PIK3C3: variants seen among roughly 807,000 people sequenced by gnomAD.
PIK3C3 encodes PI3-kinase type 3.
A neutral mutation model predicts 126.1 loss-of-function variants in PIK3C3; 95 were observed. That is an observed-to-expected ratio of 0.75 (90% CI 0.64 to 0.89). The LOEUF (loss-of-function observed/expected upper bound fraction) is 0.89. PIK3C3 is among the 40% of genes least tolerant of loss of function. PIK3C3 has a pLI of 0.00. For synonymous variants in PIK3C3, 374 were observed against 360.0 expected (o/e 1.04, Z -0.44); for missense variants, 829 against 1,063.2 (o/e 0.78, Z 3.06).
chr18:41,955,420 G>T (rs1352056665), intron 1 of PIK3C3, 61 bp downstream of exon 1: 1 of 1,427,224 alleles, frequency 7.0e-7, no homozygotes, highest in Non-Finnish European at 9.8e-7. Flanking sequence ...GGGGGCAGGG[G>T]CCTGTTGGGA....
At chr18:42,039,285 C>T (rs1984198555) in intron 18 of PIK3C3, among the ~76,000 whole-genome samples, 1 of 152,160 alleles carries the variant, frequency 6.6e-6, no homozygotes, top group African/African-American at 2.4e-5. Context: ...AAACAAAATA[C>T]ATGCTTTAGG....
chr18:41,997,056 G>T (rs775059150), intron 9 of PIK3C3, among the ~76,000 whole-genome samples: 1 of 152,084 alleles, frequency 6.6e-6, no homozygotes, highest in Non-Finnish European at 1.5e-5. Flanking sequence ...TTCTAATGGC[G>T]ACAGTTCTCC....
intron 1 of PIK3C3, among the ~76,000 whole-genome samples, chr18:41,957,095 A>G (rs1979816277): frequency 1.3e-5 from 2 of 152,232 alleles, no homozygotes. Flanking sequence ...TTTCCCCAGA[A>G]GCAATGACTT....
chr18:42,046,806 T>G (rs1181600603), intron 20 of PIK3C3, among the ~76,000 whole-genome samples: 1 of 152,178 alleles, frequency 6.6e-6, no homozygotes, highest in Non-Finnish European at 1.5e-5. Flanking sequence ...GTATTGACAC[T>G]TTAAACTATT....
intron 24 of PIK3C3, among the ~76,000 whole-genome samples, chr18:42,071,556 C>A (rs1025944245): frequency 2.6e-5 from 4 of 151,888 alleles, no homozygotes; most frequent in Non-Finnish European, 5.9e-5. Context: ...CCTGTCTCTA[C>A]TAAAAATACA....
chr18:41,964,274 C>G lies in PIK3C3; in HGVS notation c.401+1642C>G, dbSNP rs560918677. On this transcript the variant is annotated intron_variant, in intron 3 of 24. Coordinates refer to ENST00000262039, the MANE Select transcript of PIK3C3 (RefSeq NM_002647.4). ...TAGCATCCTTATATACTCAATTCAT[C>G]ATGTGTTGAAGTCTAAGAGAGGCAT... 5.3e-5 allele frequency among the ~76,000 whole-genome samples: 8 copies of G among 152,196 alleles called. No homozygotes were observed. In the South Asian group the frequency reaches 1.7e-3, roughly 32 times the overall value.
chr18:42,051,048 T>G (rs549291788), intron 21 of PIK3C3: 2 of 152,362 alleles, frequency 1.3e-5, no homozygotes, highest in African/African-American at 4.8e-5. Context: ...GAAGTTACCT[T>G]TTTTGTTTAA....
At chr18:42,066,808 T>G (rs1985560680) in intron 23 of PIK3C3, among the ~76,000 whole-genome samples, 1 of 152,136 alleles carries the variant, frequency 6.6e-6, no homozygotes, top group Non-Finnish European at 1.5e-5. Flanking sequence ...ATTTTATCTT[T>G]GGAAACGATA....
chr18:42,079,871 C>A (rs1007306436), intron 24 of PIK3C3, among the ~76,000 whole-genome samples: 1 of 152,070 alleles, frequency 6.6e-6, no homozygotes, highest in Non-Finnish European at 1.5e-5. Context: ...TCTGTTGATT[C>A]ACCGCCGCTA....
chr18:42,057,591 G>T, intron 21 of PIK3C3: 2 of 271,648 alleles, frequency 7.4e-6, no homozygotes, highest in Non-Finnish European at 1.4e-5. Context: ...CCCAGGCTCT[G>T]ACCGTCTTTG....
At chr18:41,973,262 A>G (rs551117074) in intron 4 of PIK3C3, among the ~76,000 whole-genome samples, 2 of 152,212 alleles carry the variant, frequency 1.3e-5, no homozygotes, top group South Asian at 4.1e-4. Context: ...GGGCTTGCCT[A>G]ATGTGAATAA....
intron 21 of PIK3C3, among the ~76,000 whole-genome samples, chr18:42,054,518 A>C (rs1984973732): frequency 6.6e-6 from 1 of 152,076 alleles, no homozygotes; most frequent in Non-Finnish European, 1.5e-5. Context: ...AGACACACCC[A>C]GGATCAATAC....
chr18:42,034,420 TTA>T (rs1205658364), intron 16 of PIK3C3, among the ~76,000 whole-genome samples: 1 of 152,212 alleles, frequency 6.6e-6, no homozygotes, highest in East Asian at 1.9e-4. Flanking sequence ...GTAAATTTTT[TTA>T]GAGGGCAGAT....
At chr18:42,039,445 A>G (rs1002642790) in intron 18 of PIK3C3, among the ~76,000 whole-genome samples, 1 of 152,306 alleles carries the variant, frequency 6.6e-6, no homozygotes, top group Non-Finnish European at 1.5e-5. Context: ...TTCTCTTTGG[A>G]CAAAGACCCA....
intron 18 of PIK3C3, among the ~76,000 whole-genome samples, chr18:42,039,572 T>A (rs1236722478): frequency 1.3e-5 from 2 of 152,244 alleles, no homozygotes; most frequent in Non-Finnish European, 2.9e-5. Flanking sequence ...CCATACTGGC[T>A]ACCTTCTGTT....
At chr18:42,067,347 T>C (rs1985583863) in intron 23 of PIK3C3, 41 bp from the exon 24 acceptor site, 1 of 1,602,010 alleles carries the variant, frequency 6.2e-7, no homozygotes, top group Admixed American at 1.7e-5. Flanking sequence ...AAATGTGCCC[T>C]ATTTTTCTTC....
intron 7 of PIK3C3, among the ~76,000 whole-genome samples, chr18:41,993,847 T>C (rs1981899011): frequency 6.6e-6 from 1 of 152,136 alleles, no homozygotes; most frequent in African/African-American, 2.4e-5. Context: ...TACCTTCTTA[T>C]TAACGAATTT....
chr18:42,063,074 A>G (rs901520827), intron 22 of PIK3C3, among the ~76,000 whole-genome samples: 1 of 152,176 alleles, frequency 6.6e-6, no homozygotes, highest in Non-Finnish European at 1.5e-5. Flanking sequence ...AAAAATGCCT[A>G]TCAACGTGTG....
chr18:41,996,583 A>G (rs181540766), intron 8 of PIK3C3, 55 bp from the exon 9 acceptor site: 376 of 725,502 alleles, frequency 5.2e-4, no homozygotes, highest in Non-Finnish European at 7.6e-4. Flanking sequence ...TGAAATGGAA[A>G]TATATAGGAC....
Sources: allele counts gnomAD v4.1 joint callset (sites outside exome capture counted in the v4.1 genomes callset), GRCh38; gene constraint gnomAD v4.1.1; transcripts MANE v1.5; gene names NCBI Gene and HGNC (gene_info 2026-07-23, HGNC 2026-07-21).